PUDP: variants seen among roughly 807,000 people sequenced by gnomAD.
PUDP encodes pseudouridine 5'-phosphatase.
In PUDP, 8 loss-of-function variants were observed where a neutral mutation model predicts 9.4. That is an observed-to-expected ratio of 0.85 (90% CI 0.50 to 1.53). The LOEUF (loss-of-function observed/expected upper bound fraction) is 1.53. Among genes scored for constraint, PUDP ranks in the 40% most tolerant of loss-of-function variants. The probability of loss-of-function intolerance (pLI) is 0.00; values close to 1 mark genes in which losing one functional copy is unlikely to be tolerated. For synonymous variants in PUDP, 99 were observed against 80.7 expected, an observed-to-expected ratio of 1.23 and a Z score of -1.22; for missense variants, 188 against 189.7, an observed-to-expected ratio of 0.99 and a Z score of 0.05.
intron 1 of PUDP, among the ~76,000 whole-genome samples, chrX:7,118,877 C>T (rs1298094126): frequency 8.9e-6 from 1 of 111,859 alleles, no homozygotes; most frequent in Non-Finnish European, 1.9e-5. Flanking sequence ...TTGTGCTAGG[C>T]ACCAAGAAAA....
chrX:7,146,941 T>A (rs1432739690), intron 1 of PUDP, among the ~76,000 whole-genome samples: 1 of 108,780 alleles, frequency 9.2e-6, no homozygotes, highest in Non-Finnish European at 1.9e-5. Context: ...AGGTCAGCTG[T>A]CTACAAAGAG....
At chrX:6,994,404 C>T (rs1334902477) in intron 1 of PUDP, among the ~76,000 whole-genome samples, 1 of 111,554 alleles carries the variant, frequency 9.0e-6, no homozygotes, top group Non-Finnish European at 1.9e-5. Flanking sequence ...GATCCTGTTC[C>T]AAAATAAAAT....
intron 3 of PUDP, among the ~76,000 whole-genome samples, chrX:6,868,832 G>A (rs778783783): frequency 1.1e-4 from 12 of 111,975 alleles, no homozygotes; most frequent in African/African-American, 3.2e-4. Context: ...GTGTTAGGCC[G>A]TGAAATGGAA....
intron 2 of PUDP, among the ~76,000 whole-genome samples, chrX:7,092,450 AT>A (rs1294669749): frequency 3.6e-5 from 4 of 110,553 alleles, no homozygotes; most frequent in Admixed American, 9.6e-5. Flanking sequence ...CCTATTGTCA[AT>A]TTTTTTTTGC....
chrX:7,091,209 C>T (rs1451253650), intron 2 of PUDP, among the ~76,000 whole-genome samples: 2 of 111,596 alleles, frequency 1.8e-5, no homozygotes, highest in East Asian at 2.8e-4. Context: ...GGAAAGATAC[C>T]GAGGAACAGT....
chrX:7,084,761 A>C (rs1459966525), intron 2 of PUDP: 1 of 112,160 alleles, frequency 8.9e-6, no homozygotes, highest in African/African-American at 3.3e-5. Flanking sequence ...CCCACAAAAC[A>C]TGATGAGAAA....
chrX:7,020,833 G>T (rs1459929800), intron 1 of PUDP, among the ~76,000 whole-genome samples: 1 of 112,824 alleles, frequency 8.9e-6, no homozygotes, highest in Non-Finnish European at 1.9e-5. Context: ...CAAAGTGTGT[G>T]GGTGATCCCA....
intron 3 of PUDP, among the ~76,000 whole-genome samples, chrX:6,900,575 G>GAGAAAGAGAGAGGGAT (rs765184346): frequency 0.18 from 18,323 of 103,649 alleles, 1,756 homozygotes; most frequent in Middle Eastern, 0.23. Context: ...GAGAGAGGGA[G>GAGAAAGAGAGAGGGAT]ACGGAGAGGG....
At chrX:7,092,661 G>C (rs778190311) in intron 2 of PUDP, among the ~76,000 whole-genome samples, 1 of 111,818 alleles carries the variant, frequency 8.9e-6, no homozygotes, top group African/African-American at 3.3e-5. Context: ...AGGTCCCACC[G>C]TATAGAAGTG....
intron 2 of PUDP, among the ~76,000 whole-genome samples, chrX:7,101,334 A>T (rs1323532429): frequency 8.9e-6 from 1 of 112,318 alleles, no homozygotes; most frequent in African/African-American, 3.2e-5. Context: ...TAAAGAAAGA[A>T]AAGAGAGCCA....
At chrX:7,107,591 T>A (rs1397319900) in intron 1 of PUDP, among the ~76,000 whole-genome samples, 1 of 110,666 alleles carries the variant, frequency 9.0e-6, no homozygotes, top group East Asian at 2.8e-4. Context: ...CTTTGGGAGG[T>A]CAAGGCAGGA....
rs1405071559 is a variant in PUDP, at chrX:6,720,506, G to T, written n.128+911C>A. 3.8e-5 allele frequency among the ~76,000 whole-genome samples: 4 copies of T among 105,503 alleles called. No homozygotes were observed. The South Asian group carries it at 1.3e-3, about 34-fold the overall frequency. 91.6% of individuals were successfully genotyped at this position (105,503 alleles called of 115,157 possible). ...AGGTGGTTACGAGGGGCTGGGGAGTGGGGGACACTGGAGAGATGTTGGTCA... is the reference window on the plus strand; with the variant it reads ...AGGTGGTTACGAGGGGCTGGGGAGTTGGGGACACTGGAGAGATGTTGGTCA... On this transcript the variant is annotated intron_variant and non_coding_transcript_variant, in intron 1 of 2. Transcript: ENST00000438499.
chrX:6,830,449 T>G (rs1926487788), intron 3 of PUDP, among the ~76,000 whole-genome samples: 1 of 112,438 alleles, frequency 8.9e-6, no homozygotes, highest in African/African-American at 3.2e-5. Flanking sequence ...AATCCTGAAT[T>G]TGAAATGTCT....
intron 1 of PUDP, among the ~76,000 whole-genome samples, chrX:6,719,512 T>C (rs1924636983): frequency 8.9e-6 from 1 of 112,368 alleles, no homozygotes; most frequent in Non-Finnish European, 1.9e-5. Flanking sequence ...TTTAAGTTGC[T>C]ACTTTGCAGT....
intron 3 of PUDP, among the ~76,000 whole-genome samples, chrX:6,833,009 T>TACACACACACA (rs1926527287): frequency 1.1e-5 from 1 of 93,555 alleles, no homozygotes; most frequent in African/African-American, 4.6e-5. Context: ...CACACACACT[T>TACACACACACA]CACCCAGTTA....
chrX:6,982,023 T>TACACACACAC (rs59016698), intron 1 of PUDP, among the ~76,000 whole-genome samples: 2,106 of 86,903 alleles, frequency 0.024, 53 homozygotes, highest in East Asian at 0.033. Flanking sequence ...AACTTATGGA[T>TACACACACAC]ACACACACAC....
chrX:7,143,879 T>C (rs757737486), intron 1 of PUDP, among the ~76,000 whole-genome samples: 6 of 111,331 alleles, frequency 5.4e-5, no homozygotes, highest in Non-Finnish European at 7.5e-5. Flanking sequence ...CCCTCAGCCA[T>C]CTCCTTTGCA....
chrX:7,057,766 G>A, intron 3 of PUDP: 2 of 1,154,975 alleles, frequency 1.7e-6, no homozygotes, highest in Non-Finnish European at 2.3e-6. Flanking sequence ...GCTGAGAAGG[G>A]ATCCCGGCAG....
intron 3 of PUDP, among the ~76,000 whole-genome samples, chrX:6,913,129 A>T (rs914953602): frequency 9.0e-6 from 1 of 111,711 alleles, no homozygotes; most frequent in Non-Finnish European, 1.9e-5. Flanking sequence ...TATTTTTTAG[A>T]CAAACCATGA....
Sources: allele counts gnomAD v4.1 joint callset (sites outside exome capture counted in the v4.1 genomes callset), GRCh38; gene constraint gnomAD v4.1.1; transcripts MANE v1.5; gene names NCBI Gene and HGNC (gene_info 2026-07-23, HGNC 2026-07-21).